ZNF569: variants seen among roughly 807,000 people sequenced by gnomAD.
ZNF569 encodes the protein zinc finger protein 569.
A neutral mutation model predicts 56.3 loss-of-function variants in ZNF569; 38 were observed. The ratio of observed to expected loss-of-function variants is 0.68; its 90% CI spans 0.52 to 0.88. The LOEUF is 0.88. Among genes scored for constraint, ZNF569 ranks in the 40% least tolerant of loss-of-function variants. The pLI, the probability that ZNF569 is intolerant of heterozygous loss-of-function variation, is 0.00. For synonymous variants in ZNF569, 241 were observed against 262.9 expected (o/e 0.92, Z 0.81); for missense variants, 666 against 809.2 (o/e 0.82, Z 2.15).
intron 2 of ZNF569, 142 bp downstream of exon 2, chr19:37,465,171 T>C (rs1333334999): frequency 1.3e-5 from 2 of 152,248 alleles, no homozygotes; most frequent in East Asian, 1.9e-4. Context: ...TTCATATCTT[T>C]ATTACTACCT....
In ZNF569 at chr19:37,412,310, T is replaced by C; in HGVS notation, c.*287A>G. On this transcript the variant is annotated 3_prime_UTR_variant, in exon 6 of 6. Coordinates refer to ENST00000316950, the MANE Select transcript of ZNF569 (RefSeq NM_152484.3). ...CTTACTTAATACATTGGCTAGGAGC[T>C]CAAGTGTTGTGTTGTTATGCTGATG... 3.2e-6 allele frequency: 1 copy of C among 316,196 alleles called. No homozygotes were observed. The highest frequency in any genetic ancestry group is 5.6e-6 in the Non-Finnish European group (1 of 177,414). 19.6% of individuals were successfully genotyped at this position (316,196 alleles called of 1,614,324 possible).
rs768634649 is a variant in ZNF569, at chr19:37,414,286, A to G, written c.372T>C (p.Pro124=). The stretch of plus-strand genomic sequence containing the variant: ...TGGAAGGGAAAAAATCAGAGTTCAG[A>G]GGAAATACATTTGCAAATTTCTTTT... ...ECQKKFANVF[P]LNSDFFPSRH... Residue 124 remains proline (P), a synonymous_variant, in exon 6 of 6, where the codon CCT becomes CCC. Coordinates refer to ENST00000316950, the MANE Select transcript of ZNF569 (RefSeq NM_152484.3). The G allele has an allele frequency of 6.2e-7, 1 of 1,613,724 alleles. No individual in the cohort carries two copies. The highest frequency in any genetic ancestry group is 8.5e-7 in the Non-Finnish European group (1 of 1,179,806).
intron 3 of ZNF569, among the ~76,000 whole-genome samples, chr19:37,431,289 C>T (rs1053339300): frequency 5.3e-5 from 8 of 152,124 alleles, no homozygotes; most frequent in African/African-American, 1.7e-4. Context: ...GGAGAGACCC[C>T]TTCCTTCCAC....
intron 3 of ZNF569, among the ~76,000 whole-genome samples, chr19:37,434,943 C>T (rs1204583708): frequency 2.0e-5 from 3 of 152,150 alleles, no homozygotes; most frequent in Non-Finnish European, 2.9e-5. Flanking sequence ...CGCCTGCACC[C>T]AGGTGAAATA....
At position 37,412,828 on chromosome 19, in the gene ZNF569, T is replaced by C. The variant is rs199824321; in HGVS notation, c.1830A>G (p.Lys610=). 8.5e-5 allele frequency: 137 copies of C among 1,613,956 alleles called. 1 individual carries two copies. The East Asian group carries it at 3.0e-3, about 36-fold the overall frequency. The change falls in exon 6 of 6, where the codon AAA becomes AAG. Residue 610 remains lysine (K), a synonymous_variant. Transcript: ENST00000316950. The part of the protein sequence containing the change: ...HTGEKPYECN[K]CGKAFSQSSS... ...AGCTTTGGGAGAAGGCTTTTCCACA[T>C]TTATTACATTCATAGGGTTTTTCAC...
chr19:37,454,275 C>A (rs2041638114), intron 2 of ZNF569, among the ~76,000 whole-genome samples: 1 of 151,998 alleles, frequency 6.6e-6, no homozygotes. Flanking sequence ...ATCTCTCTTG[C>A]AGGCTTCCTA....
At chr19:37,465,011 T>C (rs1418660364) in intron 2 of ZNF569, among the ~76,000 whole-genome samples, 1 of 152,220 alleles carries the variant, frequency 6.6e-6, no homozygotes, top group African/African-American at 2.4e-5. Context: ...CTTACCTTTC[T>C]TCTCTTCTCT....
rs371300126 is a variant in ZNF569, at chr19:37,414,453, AT to A, written c.239-35del. ...GATTGCAAATAAATATCACTTACAA[AT>A]TTTTTTCCAATATTGTAATATGAAG... On this transcript the variant is annotated intron_variant, in intron 5 of 5. Coordinates refer to ENST00000316950, the MANE Select transcript of ZNF569 (RefSeq NM_152484.3). 783 of 1,520,932 alleles carry A rather than the reference AT, an allele frequency of 5.1e-4. 3 individuals are homozygous for A. In the African/African-American group the frequency reaches 9.4e-3, roughly 18 times the overall value. 94.2% of individuals were successfully genotyped at this position (1,520,932 alleles called of 1,614,324 possible).
chr19:37,461,783 T>C (rs1405807596), intron 2 of ZNF569, among the ~76,000 whole-genome samples: 1 of 152,192 alleles, frequency 6.6e-6, no homozygotes, highest in Non-Finnish European at 1.5e-5. Context: ...TCAATTATTT[T>C]GCCAACTTAA....
chr19:37,422,558 C>T (rs2146879195), intron 5 of ZNF569, among the ~76,000 whole-genome samples: 1 of 152,192 alleles, frequency 6.6e-6, no homozygotes, highest in Middle Eastern at 3.4e-3. Flanking sequence ...TGGGCTTGTT[C>T]GATGCAGGGC....
intron 5 of ZNF569, among the ~76,000 whole-genome samples, chr19:37,414,893 A>T (rs2040902763): frequency 6.6e-6 from 1 of 152,140 alleles, no homozygotes; most frequent in South Asian, 2.1e-4. Context: ...AATTTCCATA[A>T]AATGAAAAGA....
intron 3 of ZNF569, among the ~76,000 whole-genome samples, chr19:37,440,126 T>C (rs1196818011): frequency 1.3e-5 from 2 of 152,206 alleles, no homozygotes; most frequent in African/African-American, 2.4e-5. Context: ...ACTCATTGTA[T>C]GCCTGTATCA....
chr19:37,427,792 C>T (rs754667704), intron 3 of ZNF569: 4 of 517,048 alleles, frequency 7.7e-6, no homozygotes, highest in African/African-American at 5.8e-5. Context: ...TATTTCCCCT[C>T]ATCTGGGAGG....
chr19:37,459,474 T>C (rs1291405294), intron 2 of ZNF569, among the ~76,000 whole-genome samples: 1 of 152,124 alleles, frequency 6.6e-6, no homozygotes, highest in African/African-American at 2.4e-5. Flanking sequence ...TCCAGGGAAA[T>C]TATCCTTCAA....
intron 5 of ZNF569, among the ~76,000 whole-genome samples, chr19:37,425,275 C>G (rs1352897716): frequency 6.6e-6 from 1 of 151,690 alleles, no homozygotes; most frequent in Non-Finnish European, 1.5e-5. Context: ...CCTCAGCCTT[C>G]CAAGCAGCTG....
At chr19:37,432,018 T>C (rs1205326642) in intron 3 of ZNF569, among the ~76,000 whole-genome samples, 1 of 152,068 alleles carries the variant, frequency 6.6e-6, no homozygotes, top group African/African-American at 2.4e-5. Context: ...CACCGTAGAA[T>C]ACCAAGTACA....
At chr19:37,443,960 G>A (rs1051408518) in intron 3 of ZNF569, among the ~76,000 whole-genome samples, 1 of 152,174 alleles carries the variant, frequency 6.6e-6, no homozygotes, top group African/African-American at 2.4e-5. Context: ...AGAGGTTGCA[G>A]TGAGCTGAGA....
At chr19:37,422,488 T>C (rs1171723518) in intron 5 of ZNF569, among the ~76,000 whole-genome samples, 3 of 152,156 alleles carry the variant, frequency 2.0e-5, no homozygotes, top group Non-Finnish European at 2.9e-5. Context: ...GTTTGAAATA[T>C]TGCAAGAATG....
intron 5 of ZNF569, among the ~76,000 whole-genome samples, chr19:37,420,225 T>C (rs2041010851): frequency 6.6e-6 from 1 of 152,000 alleles, no homozygotes; most frequent in African/African-American, 2.4e-5. Flanking sequence ...CCTGACCTCG[T>C]GATCTGCCCA....
Sources: gnomAD v4.1 joint callset for allele counts (sites outside exome capture counted in the v4.1 genomes callset) on GRCh38, gnomAD v4.1.1 for gene constraint, MANE v1.5 for transcripts, NCBI Gene and HGNC (gene_info 2026-07-23, HGNC 2026-07-21) for gene names.